Variants in SENP6 observed in about 807,000 individuals in gnomAD.
SENP6 encodes SUMO specific peptidase 6, also known as sentrin-specific protease 6.
In SENP6, 41 loss-of-function variants were observed where a neutral mutation model predicts 134.5. That is an observed-to-expected ratio of 0.30 (90% CI 0.24 to 0.40). The LOEUF is 0.40. SENP6 is among the 10% of genes least tolerant of loss of function. The pLI is 1.00. For missense variants in SENP6, 1,248 were observed against 1,312.5 expected (o/e 0.95, Z 0.76); for synonymous variants, 395 against 429.8 (o/e 0.92, Z 1.00).
chr6:75,679,864 T>C (rs1319238981), intron 16 of SENP6: 2 of 152,206 alleles, frequency 1.3e-5, no homozygotes, highest in Non-Finnish European at 2.9e-5. Flanking sequence ...CTTTTAAAAA[T>C]TGATGCTGGA....
At chr6:75,690,277 G>A (rs767882962) in intron 16 of SENP6, among the ~76,000 whole-genome samples, 2 of 152,186 alleles carry the variant, frequency 1.3e-5, no homozygotes, top group Non-Finnish European at 2.9e-5. Flanking sequence ...ATAGCTGAGT[G>A]GTGGAAACAA....
At chr6:75,650,881 A>G (rs1770810167) in intron 7 of SENP6, among the ~76,000 whole-genome samples, 1 of 152,222 alleles carries the variant, frequency 6.6e-6, no homozygotes, top group Non-Finnish European at 1.5e-5. Flanking sequence ...ATTTTCTCCT[A>G]AACGATATCA....
chr6:75,634,766 A>G lies in SENP6; in HGVS notation c.413A>G (p.His138Arg), dbSNP rs1409129626. 16 of 1,598,436 alleles carry G rather than the reference A, an allele frequency of 1.0e-5. No homozygotes were observed. The highest frequency in any genetic ancestry group is 1.3e-5 in the Non-Finnish European group (15 of 1,176,678). Residue 138 changes from histidine (H) to arginine (R), a missense_variant, in exon 5 of 24, where the codon CAT becomes CGT. Transcript: ENST00000447266. ...SGTVVHGRRF[H>R]HAHAQIPVVK... is the part of the protein sequence containing the mutation. ...ACTGTAGTTCATGGTAGACGTTTTCATCATGCTCATGCACAGATACCAGTA... is the reference window on the plus strand; with the variant it reads ...ACTGTAGTTCATGGTAGACGTTTTCGTCATGCTCATGCACAGATACCAGTA...
intron 10 of SENP6, among the ~76,000 whole-genome samples, chr6:75,668,065 T>G (rs1213911512): frequency 6.6e-6 from 1 of 152,192 alleles, no homozygotes; most frequent in Non-Finnish European, 1.5e-5. Flanking sequence ...TATACTTGGT[T>G]ATTAAGATGG....
intron 5 of SENP6, among the ~76,000 whole-genome samples, chr6:75,638,024 T>C (rs1304581263): frequency 1.3e-5 from 2 of 151,852 alleles, no homozygotes; most frequent in Non-Finnish European, 2.9e-5. Context: ...CAGCTAATAT[T>C]TGTGTGTGTG....
intron 15 of SENP6, 53 bp downstream of exon 15, chr6:75,678,745 A>G: frequency 3.6e-6 from 5 of 1,387,326 alleles, no homozygotes; most frequent in Non-Finnish European, 5.1e-6. Context: ...TCTCTGTTTT[A>G]TTACATTTCA....
rs1303644461 is a variant in SENP6, at chr6:75,713,104, A to C, written c.2910-409A>C. Among the ~76,000 whole-genome samples the C allele has an allele frequency of 2.0e-5, 3 of 152,276 alleles. No individual in the cohort carries two copies. In the East Asian group the frequency reaches 5.8e-4, roughly 29 times the overall value. On this transcript the variant is annotated intron_variant, in intron 21 of 23. Transcript: ENST00000447266. ...GACAGAGTGAGACCCTGCCTGAAAAAAATGGGCCGAGGTTGGGGGGATTAT... is the reference window on the plus strand; with the variant it reads ...GACAGAGTGAGACCCTGCCTGAAAACAATGGGCCGAGGTTGGGGGGATTAT...
chr6:75,628,269 C>T (rs564539839), intron 3 of SENP6, among the ~76,000 whole-genome samples: 1 of 151,920 alleles, frequency 6.6e-6, no homozygotes, highest in Non-Finnish European at 1.5e-5. Context: ...TTTTATTATC[C>T]TATCACACTT....
At chr6:75,709,405 A>C (rs1323809785) in intron 19 of SENP6, 122 bp from the exon 20 acceptor site, 8 of 589,606 alleles carry the variant, frequency 1.4e-5, no homozygotes, top group African/African-American at 1.1e-4. Context: ...TTACACACTA[A>C]GGCAGATTTT....
At chr6:75,650,626 A>G (rs944407008) in intron 7 of SENP6, among the ~76,000 whole-genome samples, 3 of 152,210 alleles carry the variant, frequency 2.0e-5, no homozygotes, top group Admixed American at 2.0e-4. Context: ...TTTATGAGTA[A>G]TACTTGTAAA....
At position 75,644,276 on chromosome 6, in the gene SENP6, C is replaced by G. The variant is rs1014306892; in HGVS notation, c.480-3455C>G. The G allele has an allele frequency of 4.0e-5, 6 of 151,864 alleles. No homozygotes were observed. In the East Asian group the frequency reaches 1.2e-3, roughly 29 times the overall value. The allele number at this position is 151,864 out of a possible 1,614,324, so 9.4% of individuals were successfully genotyped here. A position where few individuals can be genotyped will look rare whatever the true frequency, so the allele number is the denominator to read the frequency against. ...AACGGGAGCCAACTAAAAGGGCTCC[C>G]AAATGCCCAAACTGATAACAATTGG... On this transcript the variant is annotated intron_variant, in intron 6 of 23. Coordinates refer to ENST00000447266, the MANE Select transcript of SENP6 (RefSeq NM_015571.4).
At chr6:75,653,597 GTA>G (rs1771082636) in intron 7 of SENP6, among the ~76,000 whole-genome samples, 1 of 150,780 alleles carries the variant, frequency 6.6e-6, no homozygotes, top group Non-Finnish European at 1.5e-5. Context: ...GCCTACTGAA[GTA>G]TTTAATAAAT....
At chr6:75,707,428 A>G (rs1775480396) in intron 19 of SENP6, among the ~76,000 whole-genome samples, 1 of 137,716 alleles carries the variant, frequency 7.3e-6, no homozygotes, top group Non-Finnish European at 1.5e-5. Flanking sequence ...CAGTGGCACA[A>G]TCACAGCTCA....
intron 13 of SENP6, 110 bp from the exon 14 acceptor site, chr6:75,676,920 T>C (rs1754291610): frequency 1.6e-6 from 1 of 634,196 alleles, no homozygotes; most frequent in Non-Finnish European, 2.7e-6. Flanking sequence ...TGGACCTTTA[T>C]ACTGGGATTT....
intron 7 of SENP6, among the ~76,000 whole-genome samples, chr6:75,656,508 T>C (rs1771352091): frequency 6.6e-6 from 1 of 152,190 alleles, no homozygotes; most frequent in Non-Finnish European, 1.5e-5. Flanking sequence ...ACCAGTCCAA[T>C]CTTAAGCTTT....
chr6:75,630,528 A>G (rs534699156), intron 3 of SENP6, among the ~76,000 whole-genome samples: 22 of 152,322 alleles, frequency 1.4e-4, no homozygotes, highest in South Asian at 1.2e-3. Flanking sequence ...CAGAGCTCAG[A>G]CTGCTCTGAG....
At chr6:75,648,287 G>T (rs2149849926) in intron 7 of SENP6, among the ~76,000 whole-genome samples, 1 of 151,988 alleles carries the variant, frequency 6.6e-6, no homozygotes, top group South Asian at 2.1e-4. Flanking sequence ...CAATATACTG[G>T]TTATTAATCC....
At chr6:75,666,542 G>A (rs949324930) in intron 9 of SENP6, among the ~76,000 whole-genome samples, 170 bp from the exon 10 acceptor site, 4 of 151,426 alleles carry the variant, frequency 2.6e-5, no homozygotes, top group Non-Finnish European at 4.4e-5. Context: ...CAGATAGAGT[G>A]GATTGTATCT....
chr6:75,614,336 G>GC (rs1767689890), intron 1 of SENP6, among the ~76,000 whole-genome samples: 2 of 150,382 alleles, frequency 1.3e-5, no homozygotes, highest in African/African-American at 4.9e-5. Flanking sequence ...CGCATTCTCA[G>GC]CTCACTGCAA....
Sources: allele counts gnomAD v4.1 joint callset (sites outside exome capture counted in the v4.1 genomes callset), GRCh38; gene constraint gnomAD v4.1.1; transcripts MANE v1.5; gene names NCBI Gene and HGNC (gene_info 2026-07-23, HGNC 2026-07-21).